Variants in P3H2 observed in about 807,000 individuals in gnomAD.
P3H2 encodes leprecan-like 1.
Under a neutral mutation model 87.0 loss-of-function variants are expected in P3H2, and 80 were observed. The observed-to-expected ratio is 0.92, with a 90% CI of 0.77 to 1.11. The LOEUF is 1.11. P3H2 is among the 50% of genes least tolerant of loss of function. P3H2 has a pLI of 0.00. For missense variants in P3H2, 1,001 were observed against 923.9 expected (o/e 1.08, Z -1.08); for synonymous variants, 367 against 359.3 (o/e 1.02, Z -0.24).
intron 8 of P3H2, among the ~76,000 whole-genome samples, chr3:189,981,139 A>G (rs1723521496): frequency 6.6e-6 from 1 of 152,258 alleles, no homozygotes; most frequent in Admixed American, 6.5e-5. Context: ...ATAATAAACC[A>G]GTAAACACAA....
At chr3:190,106,114 T>C (rs1006955123) in intron 1 of P3H2, among the ~76,000 whole-genome samples, 1 of 152,030 alleles carries the variant, frequency 6.6e-6, no homozygotes, top group Non-Finnish European at 1.5e-5. Flanking sequence ...TATCTATTAA[T>C]ATGAAACAGA....
intron 1 of P3H2, among the ~76,000 whole-genome samples, chr3:190,074,285 G>A (rs1726797745): frequency 2.0e-5 from 3 of 152,182 alleles, no homozygotes; most frequent in African/African-American, 4.8e-5. Context: ...CGAGGTGAAT[G>A]GATCACTTGA....
intron 1 of P3H2, among the ~76,000 whole-genome samples, chr3:190,002,547 C>T (rs527407861): frequency 5.3e-5 from 8 of 151,964 alleles, no homozygotes; most frequent in African/African-American, 1.2e-4. Context: ...ATTACAGGCA[C>T]GCGCCAACAC....
intron 1 of P3H2, among the ~76,000 whole-genome samples, chr3:190,045,923 C>T (rs995012587): frequency 4.6e-5 from 7 of 151,984 alleles, no homozygotes; most frequent in Non-Finnish European, 8.8e-5. Flanking sequence ...AGATCGAGAC[C>T]ATCCTGGCTA....
At chr3:190,063,762 C>T (rs1726408515) in intron 1 of P3H2, among the ~76,000 whole-genome samples, 1 of 151,970 alleles carries the variant, frequency 6.6e-6, no homozygotes, top group African/African-American at 2.4e-5. Context: ...TTCCGAGCTG[C>T]CTCTGGAACA....
chr3:190,015,552 CTT>C (rs552405782), intron 1 of P3H2, among the ~76,000 whole-genome samples: 147 of 152,204 alleles, frequency 9.7e-4, no homozygotes, highest in African/African-American at 3.4e-3. Context: ...CTGGCATGAA[CTT>C]TTTTTGTCTC....
At position 189,983,079 on chromosome 3, in the gene P3H2, G is replaced by C; in HGVS notation, c.1291C>G (p.Leu431Val). ...EVHGFSMGKKLSPKIDRDLRE... is the reference protein window; with the variant it reads ...EVHGFSMGKKVSPKIDRDLRE... ...AGGTCTCGATCTATCTTGGGTGATA[G>C]CTTTTTTCCCATTGAGAATCCATGA... The change falls in exon 8 of 15, where the codon CTA becomes GTA. Residue 431 changes from leucine (L) to valine (V), a missense_variant. Coordinates refer to ENST00000319332, the MANE Select transcript of P3H2 (RefSeq NM_018192.4). The C allele has an allele frequency of 6.2e-7, 1 of 1,613,806 alleles. No individual in the cohort carries two copies. The highest frequency in any genetic ancestry group is 1.1e-5 in the South Asian group (1 of 91,074).
At chr3:189,989,640 A>C (rs1291824708) in intron 3 of P3H2, among the ~76,000 whole-genome samples, 1 of 152,244 alleles carries the variant, frequency 6.6e-6, no homozygotes, top group Admixed American at 6.5e-5. Context: ...GTTATAAATT[A>C]GTCTATCGCC....
At chr3:189,989,988 C>T (rs529124390) in intron 3 of P3H2, among the ~76,000 whole-genome samples, 4 of 152,312 alleles carry the variant, frequency 2.6e-5, no homozygotes, top group Non-Finnish European at 4.4e-5. Context: ...CATGGCTGCG[C>T]TGAGTGGGTT....
At chr3:190,071,915 G>A (rs1312248028) in intron 1 of P3H2, among the ~76,000 whole-genome samples, 1 of 148,846 alleles carries the variant, frequency 6.7e-6, no homozygotes, top group African/African-American at 2.5e-5. Context: ...TAAACAATGA[G>A]CAAGAAACAT....
intron 1 of P3H2, among the ~76,000 whole-genome samples, chr3:190,072,518 C>T (rs1198669988): frequency 6.6e-6 from 1 of 152,016 alleles, no homozygotes; most frequent in East Asian, 1.9e-4. Context: ...GCTATTTAAT[C>T]CAGCAATTCT....
At chr3:189,973,087 G>T in intron 10 of P3H2, 63 bp from the exon 11 acceptor site, 1 of 1,452,328 alleles carries the variant, frequency 6.9e-7, no homozygotes, top group Non-Finnish European at 9.5e-7. Flanking sequence ...AGAAAAACAG[G>T]CACTAGCTTG....
chr3:190,013,440 T>G (rs1351500805), intron 1 of P3H2, among the ~76,000 whole-genome samples: 1 of 152,256 alleles, frequency 6.6e-6, no homozygotes, highest in Non-Finnish European at 1.5e-5. Context: ...GTTGAAGATC[T>G]GTTAGCAAAC....
At chr3:190,081,468 T>C (rs1404684534) in intron 1 of P3H2, among the ~76,000 whole-genome samples, 1 of 152,106 alleles carries the variant, frequency 6.6e-6, no homozygotes, top group African/African-American at 2.4e-5. Flanking sequence ...AAAATGAATA[T>C]AAATGGAAAG....
chr3:190,045,595 C>A lies in P3H2; in HGVS notation c.481-50153G>T, dbSNP rs536013622. 5.9e-5 allele frequency among the ~76,000 whole-genome samples: 9 copies of A among 152,192 alleles called. No individual in the cohort carries two copies. The East Asian group carries it at 1.7e-3, about 29-fold the overall frequency. ...TGTGTCAACTTAACTAGACTACAGTCCCCAAACACCAATATAAGTGTTTCT... is the reference window on the plus strand; with the variant it reads ...TGTGTCAACTTAACTAGACTACAGTACCCAAACACCAATATAAGTGTTTCT... On this transcript the variant is annotated intron_variant, in intron 1 of 14. Coordinates refer to ENST00000319332, the MANE Select transcript of P3H2 (RefSeq NM_018192.4).
intron 1 of P3H2, among the ~76,000 whole-genome samples, chr3:190,110,796 C>T (rs1712040804): frequency 6.6e-6 from 1 of 152,164 alleles, no homozygotes; most frequent in Admixed American, 6.5e-5. Flanking sequence ...AAGAATATGT[C>T]AAAATTGGCT....
At chr3:190,100,231 G>C (rs1458326267) in intron 1 of P3H2, among the ~76,000 whole-genome samples, 1 of 117,816 alleles carries the variant, frequency 8.5e-6, no homozygotes, top group Non-Finnish European at 1.7e-5. Context: ...GCAAAACTCC[G>C]TCCCCCGCCC....
chr3:189,964,648 T>C (rs1003452319), intron 13 of P3H2, among the ~76,000 whole-genome samples: 1 of 152,290 alleles, frequency 6.6e-6, no homozygotes, highest in Non-Finnish European at 1.5e-5. Context: ...TAATTCTGTA[T>C]GATATTTCAT....
chr3:190,012,454 A>G (rs1724624414), intron 1 of P3H2, among the ~76,000 whole-genome samples: 3 of 152,160 alleles, frequency 2.0e-5, no homozygotes, highest in Admixed American at 6.5e-5. Context: ...CATGACTCAC[A>G]AGCTCTTGCC....
Sources: allele counts gnomAD v4.1 joint callset (sites outside exome capture counted in the v4.1 genomes callset), GRCh38; gene constraint gnomAD v4.1.1; transcripts MANE v1.5; gene names NCBI Gene and HGNC (gene_info 2026-07-23, HGNC 2026-07-21).